Variants in FAT2 observed in about 807,000 individuals in gnomAD.
FAT2 encodes the protein protocadherin Fat 2.
Under a neutral mutation model 295.3 loss-of-function variants are expected in FAT2, and 150 were observed. The ratio of observed to expected loss-of-function variants is 0.51; its 90% CI spans 0.44 to 0.58. FAT2 has a LOEUF of 0.58. Ranked by LOEUF, FAT2 falls within the 20% of genes least tolerant of loss-of-function variation. The pLI, the probability that FAT2 is intolerant of heterozygous loss-of-function variation, is 0.00. For synonymous variants in FAT2, 2,026 were observed against 2,150.3 expected (o/e 0.94, Z 1.60); for missense variants, 4,868 against 5,442.7 (o/e 0.89, Z 3.32).
rs1760823285 is a variant in FAT2 at position 151,505,937 on chromosome 5, G to C, written c.12678C>G (p.Phe4226Leu). The C allele has an allele frequency of 6.3e-7, 1 of 1,584,124 alleles. No individual in the cohort carries two copies. The highest frequency in any genetic ancestry group is 8.6e-7 in the Non-Finnish European group (1 of 1,167,664). Residue 4226 changes from phenylalanine (F) to leucine (L), a missense_variant, in exon 24 of 24, where the codon TTC (phenylalanine) becomes TTG (leucine). By Grantham distance (22) the Phe-to-Leu change is conservative. This residue lies in a region of FAT2 where 492 missense variants were observed against 482.6 expected (regional missense o/e 1.02). Transcript: ENST00000261800. ...MPEPNGLYGG[F>L]PFPLEMENKR... is the part of the protein sequence containing the mutation. ...TGTTTTCCATCTCCAGGGGGAAGGG[G>C]AAGCCCCCATAGAGGCCATTAGGCT...
rs2127631588 is a variant in FAT2, at chr5:151,554,642, A to G, written c.3665T>C (p.Leu1222Pro). The G allele has an allele frequency of 1.2e-6, 2 of 1,614,034 alleles. No individual in the cohort carries two copies. The highest frequency in any genetic ancestry group is 1.7e-6 in the Non-Finnish European group (2 of 1,180,008). Reference protein sequence around the residue: ...VTVLDNGEPSLKSTSRVVVGI... With the variant: ...VTVLDNGEPSPKSTSRVVVGI... ...TACCACCACCCTGGAGGTGGACTTC[A>G]GTGAGGGTTCCCCATTGTCCAGCAC... Residue 1222 changes from leucine to proline, a missense_variant, in exon 5 of 24, where the codon CTG (leucine) becomes CCG (proline). Physicochemically the swap from Leu to Pro is moderately conservative, Grantham distance 98. This residue lies in a region of FAT2 where 3,297 missense variants were observed against 3,669.4 expected (regional missense o/e 0.90). Transcript: ENST00000261800.
chr5:151,529,002 C>CGA (rs1561832131), intron 15 of FAT2, among the ~76,000 whole-genome samples, 176 bp downstream of exon 15: 1 of 152,042 alleles, frequency 6.6e-6, no homozygotes, highest in Non-Finnish European at 1.5e-5. Context: ...ATAGTTTGGC[C>CGA]GAGCATTGTT....
chr5:151,525,294 C>A (rs1182639780), intron 18 of FAT2, among the ~76,000 whole-genome samples: 1 of 152,196 alleles, frequency 6.6e-6, no homozygotes, highest in African/African-American at 2.4e-5. Flanking sequence ...ATAACACCAC[C>A]ACCAGAATCC....
rs3734053 is a variant in FAT2, at chr5:151,542,408, C to T, written c.8719G>A (p.Ala2907Thr). ...ACAGATCCTCTGTACTCTTCAGAAG[C>T]AAATCGGGGAGCATTGTCATTCTCA... ...TDENDNAPRF[A>T]SEEYRGSVVE... The change falls in exon 10 of 24, where the codon GCT becomes ACT. Residue 2907 changes from alanine (A) to threonine (T), a missense_variant. Physicochemically the swap from Ala to Thr is moderately conservative, Grantham distance 58 (BLOSUM62 0). This residue lies in a region of FAT2 where 3,297 missense variants were observed against 3,669.4 expected (regional missense o/e 0.90). Coordinates refer to ENST00000261800, the MANE Select transcript of FAT2 (RefSeq NM_001447.3). The T allele has an allele frequency of 7.7e-3, 12,452 of 1,614,174 alleles. 67 individuals are homozygous for T. The highest frequency in any genetic ancestry group is 0.012 in the East Asian group (532 of 44,888).
At chr5:151,526,637 A>C (rs1009091) in intron 17 of FAT2, among the ~76,000 whole-genome samples, 61,786 of 152,050 alleles carry the variant, frequency 0.41, 13,586 homozygotes, top group East Asian at 0.79. Flanking sequence ...TGGACTGGCG[A>C]TATTCTCAGA....
At chr5:151,574,075 G>GC (rs1355304548) in intron 1 of FAT2, among the ~76,000 whole-genome samples, 1 of 152,010 alleles carries the variant, frequency 6.6e-6, no homozygotes, top group African/African-American at 2.4e-5. Flanking sequence ...CCCTAAACGA[G>GC]CCCCCCAATG....
chr5:151,553,968 A>T (rs1367648080), intron 5 of FAT2, among the ~76,000 whole-genome samples: 1 of 152,180 alleles, frequency 6.6e-6, no homozygotes, highest in Non-Finnish European at 1.5e-5. Context: ...TAGCTACCTG[A>T]TATATTGGCT....
chr5:151,537,039 G>C (rs1209872900), intron 12 of FAT2, among the ~76,000 whole-genome samples: 1 of 152,138 alleles, frequency 6.6e-6, no homozygotes, highest in African/African-American at 2.4e-5. Context: ...GTGTCCACAA[G>C]TCTCACATAA....
chr5:151,554,295 A>G (rs1318952866), intron 5 of FAT2, 67 bp downstream of exon 5: 90 of 1,458,838 alleles, frequency 6.2e-5, no homozygotes, highest in Middle Eastern at 4.1e-4. Flanking sequence ...CCTCCTCCTG[A>G]ATTCTCAAAG....
chr5:151,551,981 G>GTT (rs1292148869), intron 6 of FAT2, among the ~76,000 whole-genome samples: 3 of 149,770 alleles, frequency 2.0e-5, no homozygotes, highest in Non-Finnish European at 3.0e-5. Flanking sequence ...CTAAGGGTGT[G>GTT]TGTGTGTGTG....
intron 7 of FAT2, 40 bp downstream of exon 7, chr5:151,551,427 T>A: frequency 6.2e-7 from 1 of 1,601,294 alleles, no homozygotes; most frequent in South Asian, 1.1e-5. Context: ...AGGCCTTCCA[T>A]CTCCTCTCAA....
intron 1 of FAT2, among the ~76,000 whole-genome samples, chr5:151,569,470 C>T (rs1255377777): frequency 1.3e-5 from 2 of 152,118 alleles, no homozygotes; most frequent in Admixed American, 1.3e-4. Flanking sequence ...TCCCATGATA[C>T]AGGGGGATTA....
At chr5:151,555,346 C>A (rs1276474899) in intron 4 of FAT2, among the ~76,000 whole-genome samples, 1 of 149,346 alleles carries the variant, frequency 6.7e-6, no homozygotes, top group Non-Finnish European at 1.5e-5. Context: ...CATTTAGCTA[C>A]TTCTTACTAA....
intron 2 of FAT2, 62 bp downstream of exon 2, chr5:151,565,611 T>A: frequency 6.7e-7 from 1 of 1,483,046 alleles, no homozygotes; most frequent in Non-Finnish European, 9.0e-7. Context: ...CAGGCTGACT[T>A]CTTTTTCCTT....
rs1408997825 is a variant in FAT2, at chr5:151,528,148, G to A, written c.10027-15C>T. 1.2e-6 allele frequency: 2 copies of A among 1,612,708 alleles called. No homozygotes were observed. The highest frequency in any genetic ancestry group is 2.2e-5 in the East Asian group (1 of 44,846). Reference sequence around the variant, plus strand: ...GTCGCTGATACCTGCGGTGGGGTAGGGGGATTGTGAATGGAGGGACAGGAA... The same window carrying A: ...GTCGCTGATACCTGCGGTGGGGTAGAGGGATTGTGAATGGAGGGACAGGAA... On this transcript the variant is annotated splice_polypyrimidine_tract_variant and intron_variant, in intron 15 of 23. Coordinates refer to ENST00000261800, the MANE Select transcript of FAT2 (RefSeq NM_001447.3).
chr5:151,590,431 G>A (rs530092265), intron 1 of FAT2, among the ~76,000 whole-genome samples: 7 of 152,228 alleles, frequency 4.6e-5, no homozygotes, highest in Admixed American at 6.5e-5. Context: ...TCTGCTCAGC[G>A]TTCCACTCTG....
chr5:151,507,897 G>A (rs897821505), intron 22 of FAT2, among the ~76,000 whole-genome samples: 1 of 152,132 alleles, frequency 6.6e-6, no homozygotes, highest in African/African-American at 2.4e-5. Context: ...TCTATCATGA[G>A]GTCGGATTTC....
chr5:151,536,497 A>C (rs1022697910), intron 12 of FAT2, among the ~76,000 whole-genome samples: 1 of 151,932 alleles, frequency 6.6e-6, no homozygotes, highest in African/African-American at 2.4e-5. Context: ...TGTGCTGCCC[A>C]TCTCCACACC....
intron 16 of FAT2, 150 bp downstream of exon 16, chr5:151,527,846 G>A: frequency 1.9e-6 from 2 of 1,074,036 alleles, no homozygotes; most frequent in East Asian, 2.5e-5. Flanking sequence ...GTCCACAGAG[G>A]CCCCACAGAG....
Sources: allele counts gnomAD v4.1 joint callset (sites outside exome capture counted in the v4.1 genomes callset), GRCh38; gene constraint gnomAD v4.1.1; regional missense constraint gnomAD v4.1.1; transcripts MANE v1.5; gene names NCBI Gene and HGNC (gene_info 2026-07-23, HGNC 2026-07-21).